The following KCND2 variants were observed in gnomAD, a reference collection of about 807,000 sequenced individuals.
The protein encoded by KCND2 is potassium voltage-gated channel subfamily D member 2, also known as A-type voltage-gated potassium channel KCND2.
Under a neutral mutation model 54.4 loss-of-function variants are expected in KCND2, and 16 were observed. The observed-to-expected ratio is 0.29, with a 90% CI of 0.20 to 0.45. The LOEUF (loss-of-function observed/expected upper bound fraction) is 0.45. KCND2 is among the 20% of genes least tolerant of loss of function. The pLI, the probability that KCND2 is intolerant of heterozygous loss-of-function variation, is 1.00. For synonymous variants in KCND2, 317 were observed against 310.7 expected (o/e 1.02, Z -0.21); for missense variants, 486 against 824.2 (o/e 0.59, Z 5.02).
intron 1 of KCND2, among the ~76,000 whole-genome samples, chr7:120,412,874 C>T (rs1801471937): frequency 6.6e-6 from 1 of 152,046 alleles, no homozygotes; most frequent in Non-Finnish European, 1.5e-5. Context: ...AAAGCAGCAG[C>T]CCTTTAAAGT....
At chr7:120,293,695 C>A (rs1038898025) in intron 1 of KCND2, among the ~76,000 whole-genome samples, 1 of 151,810 alleles carries the variant, frequency 6.6e-6, no homozygotes, top group African/African-American at 2.4e-5. Flanking sequence ...GAGTCTGCAC[C>A]ATACTCAGCT....
chr7:120,682,702 C>G (rs1323158773), intron 1 of KCND2, among the ~76,000 whole-genome samples: 1 of 152,102 alleles, frequency 6.6e-6, no homozygotes, highest in East Asian at 1.9e-4. Context: ...AAACATGTTG[C>G]TATTACACAT....
At chr7:120,295,741 T>A (rs1475621681) in intron 1 of KCND2, among the ~76,000 whole-genome samples, 1 of 152,088 alleles carries the variant, frequency 6.6e-6, no homozygotes, top group African/African-American at 2.4e-5. Context: ...CTCTAATTTA[T>A]GCCTTACAGA....
chr7:120,273,092 G>A (rs559455352), upstream of KCND2, among the ~76,000 whole-genome samples: 408 of 152,288 alleles, frequency 2.7e-3, 5 homozygotes, highest in African/African-American at 9.2e-3. Flanking sequence ...GGGGTTGGTG[G>A]GTGGCTGGGG....
chr7:120,745,862 C>T lies in KCND2; in HGVS notation c.1550C>T (p.Pro517Leu). The T allele has an allele frequency of 6.2e-7, 1 of 1,613,876 alleles. No homozygotes were observed. Among genetic ancestry groups the T allele is most frequent in the Non-Finnish European group, 8.5e-7 (1 of 1,179,826 alleles). ...ATVNRPSSHS[P>L]SLSSQQGVTS... The stretch of plus-strand genomic sequence containing the variant: ...GTTAATCGTCCTTCAAGTCACAGTC[C>T]TTCACTGTCTTCACAACAAGGAGTC... The change falls in exon 5 of 6, where the codon CCT (proline) becomes CTT (leucine). Residue 517 changes from proline (P) to leucine (L), a missense_variant. Physicochemically the swap from Pro to Leu is moderately conservative, Grantham distance 98. This residue lies in a region of KCND2 where 202 missense variants were observed against 252.7 expected (regional missense o/e 0.80). Transcript: ENST00000331113.
At chr7:120,332,820 C>T (rs953790343) in intron 1 of KCND2, among the ~76,000 whole-genome samples, 13 of 151,942 alleles carry the variant, frequency 8.6e-5, no homozygotes, top group Non-Finnish European at 1.5e-4. Flanking sequence ...TTATACAGCC[C>T]AGAGAGTCAA....
chr7:120,585,589 A>G (rs1792587726), intron 1 of KCND2, among the ~76,000 whole-genome samples: 1 of 152,162 alleles, frequency 6.6e-6, no homozygotes, highest in Admixed American at 6.5e-5. Context: ...AGTAGGTCAG[A>G]GATCACACAT....
chr7:120,334,818 A>G (rs1479763701), intron 1 of KCND2, among the ~76,000 whole-genome samples: 1 of 152,194 alleles, frequency 6.6e-6, no homozygotes, highest in Non-Finnish European at 1.5e-5. Flanking sequence ...CTTAATATGT[A>G]AGCAATTCAG....
intron 1 of KCND2, among the ~76,000 whole-genome samples, chr7:120,320,055 G>A (rs1013583635): frequency 6.6e-6 from 1 of 152,174 alleles, no homozygotes; most frequent in Non-Finnish European, 1.5e-5. Context: ...GAGTCACTCA[G>A]TTTACCTGAG....
At chr7:120,621,276 C>CAAAAAAAAAA (rs1175736454) in intron 1 of KCND2, among the ~76,000 whole-genome samples, 25 of 47,204 alleles carry the variant, frequency 5.3e-4, no homozygotes, top group African/African-American at 1.7e-3. Flanking sequence ...GACTCCGTCT[C>CAAAAAAAAAA]AAAAAAAAAA....
At chr7:120,459,651 A>C (rs987972856) in intron 1 of KCND2, among the ~76,000 whole-genome samples, 7 of 152,236 alleles carry the variant, frequency 4.6e-5, no homozygotes, top group Non-Finnish European at 7.3e-5. Context: ...GAATACTCAC[A>C]ACTATCGTCA....
At chr7:120,445,014 G>A (rs1802000042) in intron 1 of KCND2, among the ~76,000 whole-genome samples, 1 of 152,098 alleles carries the variant, frequency 6.6e-6, no homozygotes, top group Non-Finnish European at 1.5e-5. Context: ...AGAAATGTCA[G>A]GCTGAAAGAC....
chr7:120,457,858 C>T (rs548960286), intron 1 of KCND2, among the ~76,000 whole-genome samples: 3 of 152,274 alleles, frequency 2.0e-5, no homozygotes, highest in African/African-American at 4.8e-5. Flanking sequence ...GGTTCTCACA[C>T]TGCTAACAAA....
intron 1 of KCND2, among the ~76,000 whole-genome samples, chr7:120,671,427 C>T (rs1439845813): frequency 3.3e-5 from 5 of 152,038 alleles, no homozygotes; most frequent in Non-Finnish European, 7.4e-5. Flanking sequence ...TGCTAACAGG[C>T]CACAGACTGA....
chr7:120,415,045 T>G (rs890440081), intron 1 of KCND2, among the ~76,000 whole-genome samples: 2 of 152,204 alleles, frequency 1.3e-5, no homozygotes, highest in Non-Finnish European at 2.9e-5. Context: ...TTCTGTCCTA[T>G]GTCAGTGCAG....
At chr7:120,475,214 TTA>T (rs1324306105) in intron 1 of KCND2, among the ~76,000 whole-genome samples, 1 of 152,206 alleles carries the variant, frequency 6.6e-6, no homozygotes, top group African/African-American at 2.4e-5. Flanking sequence ...CAAGAGGTAA[TTA>T]TATTTCTCAC....
At chr7:120,595,653 A>G (rs1016544575) in intron 1 of KCND2, among the ~76,000 whole-genome samples, 4 of 148,186 alleles carry the variant, frequency 2.7e-5, no homozygotes, top group Non-Finnish European at 5.9e-5. Flanking sequence ...CATTGCTAAT[A>G]TCTCAAATAC....
intron 1 of KCND2, among the ~76,000 whole-genome samples, chr7:120,604,012 T>C (rs897216146): frequency 6.6e-6 from 1 of 152,170 alleles, no homozygotes; most frequent in Admixed American, 6.5e-5. Context: ...TTTTTAAGCC[T>C]CAGTTTCCTT....
intron 2 of KCND2, among the ~76,000 whole-genome samples, chr7:120,736,820 T>C (rs1375644895): frequency 6.6e-6 from 1 of 151,702 alleles, no homozygotes; most frequent in African/African-American, 2.4e-5. Context: ...GGCAAAAAAA[T>C]TCTAGTATTA....
Sources: allele counts gnomAD v4.1 joint callset (sites outside exome capture counted in the v4.1 genomes callset), GRCh38; gene constraint gnomAD v4.1.1; regional missense constraint gnomAD v4.1.1; transcripts MANE v1.5; gene names NCBI Gene and HGNC (gene_info 2026-07-23, HGNC 2026-07-21).